PTOV1: variants seen among roughly 807,000 people sequenced by gnomAD.
The protein encoded by PTOV1 is PTOV1 extended AT-hook containing adaptor protein.
Under a neutral mutation model 58.0 loss-of-function variants are expected in PTOV1, and 20 were observed. That is an observed-to-expected ratio of 0.34 (90% CI 0.24 to 0.50). PTOV1 has a LOEUF of 0.50. Among genes scored for constraint, PTOV1 ranks in the 20% least tolerant of loss-of-function variants. PTOV1 has a pLI of 0.98. For synonymous variants in PTOV1, 335 were observed against 234.2 expected (o/e 1.43, Z -3.93); for missense variants, 593 against 565.4 (o/e 1.05, Z -0.50).
At chr19:49,857,526 G>C in intron 6 of PTOV1, 167 bp from the exon 7 acceptor site, 1 of 681,632 alleles carries the variant, frequency 1.5e-6, no homozygotes, top group South Asian at 1.8e-5. Flanking sequence ...GAGCCATGGG[G>C]GGCTGTGAGC....
rs1016012120 is a variant in PTOV1 at position 49,856,756 on chromosome 19, C to T, written c.559-219C>T. The T allele has an allele frequency of 1.3e-4, 74 of 549,622 alleles. No individual in the cohort carries two copies. In the Middle Eastern group the frequency reaches 1.5e-3, roughly 11 times the overall value. The allele number at this position is 549,622 out of a possible 1,614,324, so 34.0% of individuals were successfully genotyped here. On this transcript the variant is annotated intron_variant, in intron 5 of 11. Transcript: ENST00000391842. ...GGCATTCTCACCGCAGCCTGGGTGC[C>T]GGGTGCCACTCTGACCTCAGCCATG...
At chr19:49,858,608 C>T (rs749343324) in exon 10 of PTOV1, 4 of 1,606,088 alleles carry the variant, frequency 2.5e-6, no homozygotes, top group Non-Finnish European at 3.4e-6. Context: ...TCACCAAGGA[C>T]CTGGAGACAC....
At chr19:49,856,089 C>T (rs2074450756) in intron 5 of PTOV1, 2 of 152,238 alleles carry the variant, frequency 1.3e-5, no homozygotes, top group South Asian at 2.1e-4. Context: ...TCCCTTCTCC[C>T]TCAGGAGACC....
At chr19:49,854,503 A>G in exon 2 of PTOV1, 4 of 1,613,102 alleles carry the variant, frequency 2.5e-6, no homozygotes, top group Non-Finnish European at 2.5e-6. Context: ...CGGCTCAGCA[A>G]CAAGCTGCTG....
At chr19:49,860,449 GCAGCAGTCC>G (rs1400057651) in exon 12 of PTOV1, 7 of 1,050,344 alleles carry the variant, frequency 6.7e-6, no homozygotes, top group Non-Finnish European at 9.4e-6. Context: ...AGAGGGAGAG[GCAGCAGTCC>G]CAGCGGTCCT....
chr19:49,851,534 G>A (rs1484606462), intron 1 of PTOV1, 35 bp downstream of exon 1: 2 of 1,139,054 alleles, frequency 1.8e-6, no homozygotes, highest in Non-Finnish European at 2.2e-6. Flanking sequence ...AGCCTTCCAC[G>A]GCCCCGCCCC....
chr19:49,857,957 C>T (rs566283053), exon 8 of PTOV1: 120 of 1,613,702 alleles, frequency 7.4e-5, no homozygotes, highest in Non-Finnish European at 9.2e-5. Context: ...CCCACGTCTA[C>T]GTGAACCAGG....
chr19:49,855,679 C>G (rs1039179254), intron 5 of PTOV1: 5 of 157,652 alleles, frequency 3.2e-5, no homozygotes, highest in African/African-American at 1.2e-4. Context: ...CTGAGAGCGG[C>G]TTCCGCAGCA....
rs116593010 is a variant in PTOV1, at chr19:49,859,869, T to A, written c.1042-117T>A. ...CCACCTCCAGGGTGGGTGGGGGGTG[T>A]GAGGACAGAGCAGTTAGGCTGTGCC... On this transcript the variant is annotated intron_variant, in intron 10 of 11. Coordinates refer to ENST00000391842, the Ensembl canonical transcript of PTOV1. 15 of 1,132,726 alleles carry A rather than the reference T, an allele frequency of 1.3e-5. 1 individual carries two copies. The East Asian group carries it at 3.3e-4, about 25-fold the overall frequency. 70.2% of individuals were successfully genotyped at this position (1,132,726 alleles called of 1,614,324 possible). A position where few individuals can be genotyped will look rare whatever the true frequency, so the allele number is the denominator to read the frequency against.
Position 49,855,093 on chromosome 19 carries a change from T to C in PTOV1, c.558+16T>C. On this transcript the variant is annotated intron_variant, in intron 5 of 11. Transcript: ENST00000391842. The stretch of plus-strand genomic sequence containing the variant: ...CAACGGCTTCGTGAGTGGGGCGGGC[T>C]CCCTTGTAGCACTGTGGTGACAAGT... 1.9e-6 allele frequency: 3 copies of C among 1,565,524 alleles called. No homozygotes were observed. Among genetic ancestry groups the C allele is most frequent in the Non-Finnish European group, 2.6e-6 (3 of 1,151,410 alleles).
intron 10 of PTOV1, 146 bp from the exon 11 acceptor site, chr19:49,859,840 G>C: frequency 1.2e-6 from 1 of 823,350 alleles, no homozygotes; most frequent in South Asian, 1.6e-5. Flanking sequence ...CCCAATAAGG[G>C]GGCCCACCTC....
intron 5 of PTOV1, 167 bp from the exon 6 acceptor site, chr19:49,856,808 C>G (rs2074488871): frequency 7.7e-6 from 6 of 782,830 alleles, no homozygotes; most frequent in Non-Finnish European, 1.2e-5. Flanking sequence ...CCGATGGGCG[C>G]TGCACGGGCT....
Position 49,851,355 on chromosome 19 carries a change from C to T in PTOV1, c.27C>T (p.Tyr9=), listed in dbSNP as rs909965752. ...TGGTCCGTCCGCGCCGTGCCCCGTA[C>T]CGCTCCGGCGCCGGGGGCCCCCTCG... is the stretch of plus-strand genomic sequence containing the variant. The change falls in exon 1 of 12, where the codon TAC becomes TAT. Residue 9 remains tyrosine, a synonymous_variant. Coordinates refer to ENST00000391842, the Ensembl canonical transcript of PTOV1. 391 of 1,105,386 alleles carry T rather than the reference C, an allele frequency of 3.5e-4. 1 individual carries two copies. Among genetic ancestry groups the T allele is most frequent in the Middle Eastern group, 1.2e-3 (3 of 2,562 alleles). 68.5% of individuals were successfully genotyped at this position (1,105,386 alleles called of 1,614,324 possible). A position where few individuals can be genotyped will look rare whatever the true frequency, so the allele number is the denominator to read the frequency against.
chr19:49,860,709 C>G (rs1062939), exon 12 of PTOV1: 1 of 337,702 alleles, frequency 3.0e-6, no homozygotes, highest in East Asian at 5.8e-5. Context: ...CCCCACCCCT[C>G]TACGTTTCCC....
exon 8 of PTOV1, chr19:49,857,947 C>A: frequency 6.2e-7 from 1 of 1,613,810 alleles, no homozygotes; most frequent in South Asian, 1.1e-5. Context: ...TGGCTGCCAT[C>A]CCACGTCTAC....
chr19:49,858,791 G>C (rs748905144), intron 10 of PTOV1, 138 bp downstream of exon 10: 1 of 731,172 alleles, frequency 1.4e-6, no homozygotes, highest in East Asian at 2.7e-5. Context: ...TAGTGTGGGC[G>C]TGACTTCTGG....
chr19:49,858,709 A>G lies in PTOV1; in HGVS notation c.1041+56A>G, dbSNP rs563420593. On this transcript the variant is annotated intron_variant, in intron 10 of 11. Coordinates refer to ENST00000391842, the Ensembl canonical transcript of PTOV1. ...GCCGGCCAGGGCAGAGCGAGCCCGGACCGCTCACGGGGGCGGACATGGGAG... is the reference window on the plus strand; with the variant it reads ...GCCGGCCAGGGCAGAGCGAGCCCGGGCCGCTCACGGGGGCGGACATGGGAG... The G allele has an allele frequency of 2.6e-4, 370 of 1,417,000 alleles. 1 individual carries two copies. The African/African-American group carries it at 4.7e-3, about 18-fold the overall frequency. The allele number at this position is 1,417,000 out of a possible 1,614,324, so 87.8% of individuals were successfully genotyped here.
At chr19:49,850,919 G>C (rs2074213834), upstream of PTOV1, 1 of 1,535,774 alleles carries the variant, frequency 6.5e-7, no homozygotes, top group African/African-American at 1.4e-5. Flanking sequence ...CAAGGGGCCA[G>C]CTTGGTGTCG....
chr19:49,859,803 A>G, intron 10 of PTOV1, 183 bp from the exon 11 acceptor site: 1 of 642,698 alleles, frequency 1.6e-6, no homozygotes, highest in Non-Finnish European at 2.7e-6. Flanking sequence ...CCTTTGGCCC[A>G]CCCATTGCTC....
Sources: allele counts gnomAD v4.1 joint callset, GRCh38; gene constraint gnomAD v4.1.1; transcripts MANE v1.5; gene names NCBI Gene and HGNC (gene_info 2026-07-23, HGNC 2026-07-21).